Variants in CA5B observed in about 807,000 individuals in gnomAD.
CA5B encodes the protein carbonic anhydrase 5B, also known as carbonic anhydrase 5B, mitochondrial.
In CA5B, 15 loss-of-function variants were observed where a neutral mutation model predicts 23.1. That is an observed-to-expected ratio of 0.65 (90% CI 0.43 to 1.00). The LOEUF (loss-of-function observed/expected upper bound fraction) is 1.00, where lower values mean the gene tolerates loss of function less well. Among genes scored for constraint, CA5B ranks in the 50% least tolerant of loss-of-function variants. The pLI is 0.00. For synonymous variants in CA5B, 84 were observed against 98.5 expected, an observed-to-expected ratio of 0.85 and a Z score of 0.87; for missense variants, 236 against 252.2, an observed-to-expected ratio of 0.94 and a Z score of 0.43.
At chrX:15,761,256 G>A (rs1277246136) in intron 2 of CA5B, among the ~76,000 whole-genome samples, 1 of 111,781 alleles carries the variant, frequency 8.9e-6, no homozygotes, top group Admixed American at 9.5e-5. Flanking sequence ...ATTGCATGGT[G>A]ATGAGGTTTG....
At chrX:15,772,708 C>A in intron 4 of CA5B, 94 bp downstream of exon 4, 1 of 458,684 alleles carries the variant, frequency 2.2e-6, no homozygotes, top group East Asian at 3.7e-5. Context: ...TCAGGTGATT[C>A]CTATAAATGC....
intron 2 of CA5B, among the ~76,000 whole-genome samples, chrX:15,752,688 G>A (rs1038436360): frequency 1.8e-5 from 2 of 108,691 alleles, no homozygotes; most frequent in Non-Finnish European, 3.8e-5. Flanking sequence ...TCGCGCCACT[G>A]CACTCCAGCC....
intron 1 of CA5B, among the ~76,000 whole-genome samples, chrX:15,743,417 A>T (rs1011556011): frequency 5.3e-5 from 6 of 112,475 alleles, no homozygotes; most frequent in Non-Finnish European, 7.5e-5. Flanking sequence ...TATTACCTGT[A>T]TCCCCTACTA....
intron 3 of CA5B, chrX:15,766,979 AAAC>A (rs1186177368): frequency 2.2e-6 from 1 of 448,734 alleles, no homozygotes; most frequent in African/African-American, 2.5e-5. Flanking sequence ...GAAATCTTCA[AAAC>A]AACAAGCTAA....
intron 2 of CA5B, among the ~76,000 whole-genome samples, chrX:15,752,687 T>A (rs1417626682): frequency 2.8e-5 from 3 of 108,611 alleles, no homozygotes; most frequent in African/African-American, 3.4e-5. Flanking sequence ...ATCGCGCCAC[T>A]GCACTCCAGC....
rs1054561228 is a variant in CA5B, at chrX:15,786,815, A to G, written c.*4151A>G. ...AGTGCACCTTTTTCTGTTGCACAGT[A>G]CAGTGCACAGTGTGCTGGCATCACC... is the stretch of plus-strand genomic sequence containing the variant. On this transcript the variant is annotated 3_prime_UTR_variant, in exon 8 of 8. Transcript: ENST00000318636. The G allele has an allele frequency of 2.7e-5, 3 of 111,907 alleles. No individual in the cohort carries two copies. Among genetic ancestry groups the G allele is most frequent in the African/African-American group, 9.8e-5 (3 of 30,748 alleles). 9.2% of individuals were successfully genotyped at this position (111,907 alleles called of 1,213,427 possible).
At chrX:15,775,814 C>T (rs1424475830) in intron 6 of CA5B, 1 of 738,278 alleles carries the variant, frequency 1.4e-6, no homozygotes, top group Non-Finnish European at 1.6e-6. Context: ...TCCCTCTCAT[C>T]CCCCACTGTA....
chrX:15,740,576 C>T (rs967164803), intron 1 of CA5B, among the ~76,000 whole-genome samples: 4 of 112,131 alleles, frequency 3.6e-5, no homozygotes, highest in South Asian at 3.7e-4. Flanking sequence ...TGCCTTTGAC[C>T]GTTCTCAGTC....
At position 15,785,954 on chromosome X, in the gene CA5B, T is replaced by A. The variant is rs1162083225; in HGVS notation, c.*3290T>A. 3 of 111,281 alleles carry A rather than the reference T, an allele frequency of 2.7e-5. No individual in the cohort carries two copies. In the East Asian group the frequency reaches 8.4e-4, roughly 31 times the overall value. 9.2% of individuals were successfully genotyped at this position (111,281 alleles called of 1,213,427 possible). ...GGCGCGATCTCGGCTCACTGCAAGC[T>A]CCGCCTCCCGGGTTCACGCCATTCT... On this transcript the variant is annotated 3_prime_UTR_variant, in exon 8 of 8. Transcript: ENST00000318636.
At chrX:15,751,645 G>A (rs1342694633) in intron 2 of CA5B, among the ~76,000 whole-genome samples, 1 of 109,895 alleles carries the variant, frequency 9.1e-6, no homozygotes, top group Admixed American at 9.7e-5. Context: ...AAACAGTAGT[G>A]GCTTCGGGAG....
In CA5B at chrX:15,785,513, G is replaced by A. The variant is rs5936052; in HGVS notation, c.*2849G>A. 0.36 allele frequency: 39,963 copies of A among 111,054 alleles called. 5,315 individuals carry two copies. The highest frequency in any genetic ancestry group is 0.43 in the Admixed American group (4,458 of 10,467). The allele number at this position is 111,054 out of a possible 1,213,427, so 9.2% of individuals were successfully genotyped here. A position where few individuals can be genotyped will look rare whatever the true frequency, so the allele number is the denominator to read the frequency against. The stretch of plus-strand genomic sequence containing the variant: ...GTAGAAAGGTGGTTGCCAAGCAACG[G>A]TTGGGGGAAGGGGAGAGGGTGAATT... On this transcript the variant is annotated 3_prime_UTR_variant, in exon 8 of 8. Transcript: ENST00000318636.
intron 2 of CA5B, among the ~76,000 whole-genome samples, chrX:15,751,724 CAG>C (rs1186410135): frequency 9.0e-6 from 1 of 110,872 alleles, no homozygotes; most frequent in Non-Finnish European, 1.9e-5. Context: ...CTAGGAAAAA[CAG>C]GGGACAGTCA....
intron 4 of CA5B, among the ~76,000 whole-genome samples, chrX:15,773,519 C>T (rs909498121): frequency 1.9e-5 from 2 of 104,969 alleles, no homozygotes; most frequent in Non-Finnish European, 1.9e-5. Context: ...ACACCATTCT[C>T]CTGTCTCAGC....
At chrX:15,775,858 CCT>C (rs1931912835) in intron 6 of CA5B, 1 of 746,709 alleles carries the variant, frequency 1.3e-6, no homozygotes, top group Non-Finnish European at 1.6e-6. Context: ...CCTCTCCTTT[CCT>C]CTCTGGAAGC....
intron 4 of CA5B, among the ~76,000 whole-genome samples, chrX:15,773,033 C>T (rs1257861960): frequency 2.7e-5 from 3 of 111,040 alleles, no homozygotes; most frequent in African/African-American, 9.8e-5. Flanking sequence ...GTAGGGTTCT[C>T]TTCAGGATAG....
intron 2 of CA5B, among the ~76,000 whole-genome samples, chrX:15,764,088 C>T (rs1931656444): frequency 9.0e-6 from 1 of 111,714 alleles, no homozygotes; most frequent in Non-Finnish European, 1.9e-5. Context: ...GTAAACACCC[C>T]CAGAGAAACA....
chrX:15,742,435 G>A (rs1041970414), intron 1 of CA5B, among the ~76,000 whole-genome samples: 15 of 112,232 alleles, frequency 1.3e-4, no homozygotes, highest in Admixed American at 1.1e-3. Context: ...GTGCGGTGGC[G>A]CAATCTCAGC....
At position 15,772,572 on chromosome X, in the gene CA5B, G is replaced by A; in HGVS notation, c.417G>A (p.Trp139Ter). Reference sequence around the variant, plus strand: ...TTCACTGGGGGGCCATCGATGCCTGGGGTTCTGAGCACACCGTGGACAGCA... The same window carrying A: ...TTCACTGGGGGGCCATCGATGCCTGAGGTTCTGAGCACACCGTGGACAGCA... ...FHFHWGAIDA[W>*]GSEHTVDSKC... The change falls in exon 4 of 8, where the codon TGG becomes TGA. Residue 139 changes from tryptophan to a stop codon, truncating the protein, a stop_gained. Transcript: ENST00000318636. LOFTEE classifies it high-confidence loss of function. 8.3e-7 allele frequency: 1 copy of A among 1,206,967 alleles called. No individual in the cohort carries two copies.
At chrX:15,753,054 A>G (rs1402351503) in intron 2 of CA5B, among the ~76,000 whole-genome samples, 4 of 111,247 alleles carry the variant, frequency 3.6e-5, no homozygotes, top group South Asian at 3.8e-4. Flanking sequence ...GCATTTCTTA[A>G]ATGTATTTGA....
Sources: gnomAD v4.1 joint callset for allele counts (sites outside exome capture counted in the v4.1 genomes callset) on GRCh38, gnomAD v4.1.1 for gene constraint, MANE v1.5 for transcripts, NCBI Gene and HGNC (gene_info 2026-07-23, HGNC 2026-07-21) for gene names.